The following DCAF6 variants were observed in gnomAD, a reference collection of about 807,000 sequenced individuals.
The protein encoded by DCAF6 is DDB1- and CUL4-associated factor 6.
Under a neutral mutation model 125.1 loss-of-function variants are expected in DCAF6, and 54 were observed. The ratio of observed to expected loss-of-function variants is 0.43; its 90% confidence interval spans 0.35 to 0.54. The LOEUF (loss-of-function observed/expected upper bound fraction) is 0.54, where lower values mean the gene tolerates loss of function less well. DCAF6 is among the 20% of genes least tolerant of loss of function. The pLI, the probability that DCAF6 is intolerant of heterozygous loss-of-function variation, is 0.01. For missense variants in DCAF6, 934 were observed against 1,161.7 expected, an observed-to-expected ratio of 0.80 and a Z score of 2.85; for synonymous variants, 371 against 390.4, an observed-to-expected ratio of 0.95 and a Z score of 0.58.
At chr1:168,033,507 C>T (rs1478640785) in intron 12 of DCAF6, among the ~76,000 whole-genome samples, 1 of 151,796 alleles carries the variant, frequency 6.6e-6, no homozygotes, top group Non-Finnish European at 1.5e-5. Context: ...TTAGTAGAGA[C>T]GGGGTTTCAC....
chr1:167,997,985 A>G (rs1219287762), intron 7 of DCAF6, among the ~76,000 whole-genome samples: 1 of 152,168 alleles, frequency 6.6e-6, no homozygotes, highest in East Asian at 1.9e-4. Context: ...ACTAAAATAA[A>G]AAAGACAGAC....
chr1:167,980,916 C>CTTT (rs71100920), intron 4 of DCAF6, among the ~76,000 whole-genome samples: 28 of 113,596 alleles, frequency 2.5e-4, no homozygotes, highest in East Asian at 7.4e-4. Flanking sequence ...TCTGAATTTT[C>CTTT]TTTTTTTTTT....
intron 4 of DCAF6, among the ~76,000 whole-genome samples, chr1:167,980,105 C>T (rs748641731): frequency 7.2e-4 from 109 of 152,178 alleles, no homozygotes; most frequent in Non-Finnish European, 8.4e-4. Flanking sequence ...CACTTGAACA[C>T]GGGAGGCAGA....
At chr1:167,902,059 G>GAA in the DCAF6 span, 492 of 1,357,616 alleles carry the variant, frequency 3.6e-4, no homozygotes, top group African/African-American at 1.9e-3. Flanking sequence ...ACACTTCTGA[G>GAA]AAAAAAAAAA....
the DCAF6 span, among the ~76,000 whole-genome samples, chr1:167,887,658 C>T: frequency 1.3e-5 from 2 of 151,632 alleles, no homozygotes; most frequent in Middle Eastern, 3.4e-3. Flanking sequence ...AACAAACCTG[C>T]ACATTGTGCA....
chr1:167,894,618 A>AT, the DCAF6 span, among the ~76,000 whole-genome samples: 1 of 149,828 alleles, frequency 6.7e-6, no homozygotes, highest in African/African-American at 2.5e-5. Context: ...TGTGAAAAAA[A>AT]ATGTGTGTGT....
rs2103081009 is a variant in DCAF6, at chr1:168,004,002, G to A, written c.1117+13G>A. 2 of 1,605,530 alleles carry A rather than the reference G, an allele frequency of 1.2e-6. No individual in the cohort carries two copies. Among genetic ancestry groups the A allele is most frequent in the Non-Finnish European group, 1.7e-6 (2 of 1,176,298 alleles). On this transcript the variant is annotated intron_variant, in intron 9 of 21. Coordinates refer to ENST00000367840, the MANE Select transcript of DCAF6 (RefSeq NM_001198956.2). Reference sequence around the variant, plus strand: ...TCTCGACCCAGAGGTAATTTTTAATGTTAATTAAAGTCATCAGAAAGCTGG... The same window carrying A: ...TCTCGACCCAGAGGTAATTTTTAATATTAATTAAAGTCATCAGAAAGCTGG...
At chr1:168,065,428 G>A (rs1558051560) in intron 18 of DCAF6, among the ~76,000 whole-genome samples, 162 bp from the exon 19 acceptor site, 1 of 152,006 alleles carries the variant, frequency 6.6e-6, no homozygotes, top group African/African-American at 2.4e-5. Flanking sequence ...GATTACAGGT[G>A]TGAGCCACTG....
chr1:168,009,389 T>TCCTTCCTTTCTTTCTTTCTC (rs1259860523), intron 10 of DCAF6, among the ~76,000 whole-genome samples: 24 of 133,268 alleles, frequency 1.8e-4, no homozygotes, highest in African/African-American at 6.1e-4. Context: ...CTTCCTTCCT[T>TCCTTCCTTTCTTTCTTTCTC]TCTTTCTTTC....
At position 167,992,616 on chromosome 1, in the gene DCAF6, A is replaced by T. The variant is rs116472455; in HGVS notation, c.689-610A>T. Among the ~76,000 whole-genome samples the T allele has an allele frequency of 3.5e-3, 539 of 152,336 alleles. 4 individuals carry two copies. The highest frequency in any genetic ancestry group is 9.1e-3 in the South Asian group (44 of 4,820). ...TGATAAGACTTCATTTTGCAAGGTT[A>T]TACAGCTTTGTGGGATTCTTAGAAT... On this transcript the variant is annotated intron_variant, in intron 6 of 21. Transcript: ENST00000367840.
chr1:167,993,997 ATAGT>A (rs1034867257), intron 7 of DCAF6, among the ~76,000 whole-genome samples: 3 of 152,082 alleles, frequency 2.0e-5, no homozygotes, highest in Non-Finnish European at 4.4e-5. Context: ...ATTACTAATT[ATAGT>A]TAGTAATTAG....
At chr1:167,864,135 T>C in the DCAF6 span, among the ~76,000 whole-genome samples, 1 of 152,182 alleles carries the variant, frequency 6.6e-6, no homozygotes, top group African/African-American at 2.4e-5. Context: ...AATACTCTGA[T>C]TTTGGTTTTG....
chr1:167,971,892 G>A (rs529512964), intron 3 of DCAF6, among the ~76,000 whole-genome samples: 1 of 151,834 alleles, frequency 6.6e-6, no homozygotes, highest in Non-Finnish European at 1.5e-5. Flanking sequence ...GTCTTGCTCT[G>A]TCGCCCAGGC....
chr1:167,901,256 T>A, the DCAF6 span, among the ~76,000 whole-genome samples: 1 of 152,096 alleles, frequency 6.6e-6, no homozygotes, highest in Non-Finnish European at 1.5e-5. Flanking sequence ...TCTTATGAGG[T>A]AGGGGGTGAC....
the DCAF6 span, among the ~76,000 whole-genome samples, chr1:167,922,928 A>C: frequency 1.3e-5 from 2 of 152,186 alleles, no homozygotes. Context: ...TACACAACTG[A>C]CCAATAAGTA....
At chr1:167,867,649 T>C in the DCAF6 span, among the ~76,000 whole-genome samples, 3 of 152,182 alleles carry the variant, frequency 2.0e-5, no homozygotes, top group African/African-American at 7.2e-5. Context: ...GGTCCTTTTC[T>C]AGGTGACACA....
chr1:167,895,458 C>T, the DCAF6 span, among the ~76,000 whole-genome samples: 1 of 152,122 alleles, frequency 6.6e-6, no homozygotes, highest in Non-Finnish European at 1.5e-5. Context: ...TAAAATACTC[C>T]AGACCTGTAC....
At chr1:168,006,620 A>G (rs1483002393) in intron 10 of DCAF6, among the ~76,000 whole-genome samples, 1 of 152,186 alleles carries the variant, frequency 6.6e-6, no homozygotes, top group Non-Finnish European at 1.5e-5. Context: ...CATTTGCCAT[A>G]GCCTAAGTCC....
chr1:167,936,842 C>G lies in DCAF6; in HGVS notation c.-70C>G, dbSNP rs1035163742. On this transcript the variant is annotated 5_prime_UTR_variant, in exon 1 of 22. Transcript: ENST00000367840. The stretch of plus-strand genomic sequence containing the variant: ...TGCCGGTGCGGCTCGGGTGTTGAAA[C>G]GGGTGTCCCCTCCCCCTCCTCCCCT... 1.5e-6 allele frequency: 2 copies of G among 1,344,286 alleles called. No homozygotes were observed. The highest frequency in any genetic ancestry group is 2.1e-6 in the Non-Finnish European group (2 of 965,644). 83.3% of individuals were successfully genotyped at this position (1,344,286 alleles called of 1,614,324 possible). A position where few individuals can be genotyped will look rare whatever the true frequency, so the allele number is the denominator to read the frequency against.
Sources: gnomAD v4.1 joint callset for allele counts (sites outside exome capture counted in the v4.1 genomes callset) on GRCh38, gnomAD v4.1.1 for gene constraint, MANE v1.5 for transcripts, NCBI Gene and HGNC (gene_info 2026-07-23, HGNC 2026-07-21) for gene names.